Variants in KIDINS220 observed in about 807,000 individuals in gnomAD.
KIDINS220 encodes the protein kinase D-interacting substrate of 220 kDa.
In KIDINS220, 63 loss-of-function variants were observed where a neutral mutation model predicts 157.6. That is an observed-to-expected ratio of 0.40 (90% confidence interval 0.33 to 0.49). The LOEUF (loss-of-function observed/expected upper bound fraction) is 0.49, where lower values mean the gene tolerates loss of function less well. Among genes scored for constraint, KIDINS220 ranks in the 20% least tolerant of loss-of-function variants. KIDINS220 has a pLI of 0.66. For synonymous variants in KIDINS220, 732 were observed against 783.6 expected, an observed-to-expected ratio of 0.93 and a Z score of 1.10; for missense variants, 1,772 against 2,171.2, an observed-to-expected ratio of 0.82 and a Z score of 3.65.
chr2:8,769,164 G>C (rs1434069798), intron 22 of KIDINS220, among the ~76,000 whole-genome samples: 2 of 152,140 alleles, frequency 1.3e-5, no homozygotes, highest in Non-Finnish European at 2.9e-5. Context: ...ACTTTCCAAA[G>C]TGCAAGAATA....
chr2:8,721,770 A>G (rs1463368200), downstream of KIDINS220: 1 of 152,250 alleles, frequency 6.6e-6, no homozygotes, highest in African/African-American at 2.4e-5. Flanking sequence ...GCCACTCAGT[A>G]GCTGTGTGAC....
Position 8,818,788 on chromosome 2 carries a change from G to C in KIDINS220, c.114C>G (p.Gly38=), listed in dbSNP as rs369671667. The change falls in exon 3 of 30, where the codon GGC becomes GGG. Residue 38 remains glycine (G), a synonymous_variant. Transcript: ENST00000256707. ...CKDVDERNEC[G]QTPLMIAAEQ... ...CGGCAGCTATCATCAGTGGAGTCTG[G>C]CCACACTAGAGAATATAAAAGACAA... is the stretch of plus-strand genomic sequence containing the variant. The C allele has an allele frequency of 4.8e-5, 76 of 1,587,724 alleles. No homozygotes were observed. In the African/African-American group the frequency reaches 9.6e-4, roughly 20 times the overall value.
At chr2:8,829,923 C>T (rs974113625) in intron 1 of KIDINS220, among the ~76,000 whole-genome samples, 7 of 151,670 alleles carry the variant, frequency 4.6e-5, no homozygotes, top group African/African-American at 1.7e-4. Flanking sequence ...CCCTCTATAC[C>T]AGCCCCAGCT....
intron 18 of KIDINS220, 35 bp downstream of exon 18, chr2:8,779,634 CAACAT>C (rs1344381512): frequency 1.9e-6 from 3 of 1,585,460 alleles, no homozygotes; most frequent in Non-Finnish European, 2.6e-6. Flanking sequence ...TCAAGTGCCA[CAACAT>C]AACAATGGTG....
chr2:8,778,901 G>A lies in KIDINS220; in HGVS notation c.2609C>T (p.Thr870Ile). The A allele has an allele frequency of 1.2e-6, 2 of 1,614,054 alleles. No individual in the cohort carries two copies. The highest frequency in any genetic ancestry group is 1.7e-6 in the Non-Finnish European group (2 of 1,179,920). ...ATNGDVPCSD[T>I]TGIQEDADRR... ...TTTAGGAGCCTGAGCTTTACCTGTAGTATCTGAGCATGGAACGTCTCCATT... is the reference window on the plus strand; with the variant it reads ...TTTAGGAGCCTGAGCTTTACCTGTAATATCTGAGCATGGAACGTCTCCATT... The change falls in exon 19 of 30, where the codon ACT becomes ATT. Residue 870 changes from threonine (T) to isoleucine (I), a missense_variant. Physicochemically the swap from Thr to Ile is moderately conservative, Grantham distance 89 (BLOSUM62 -1). This residue lies in a region of KIDINS220 where 725 missense variants were observed against 1,017.1 expected (regional missense o/e 0.71). Transcript: ENST00000256707.
In KIDINS220 at chr2:8,731,331, C is replaced by T. The variant is rs1664060844; in HGVS notation, c.4705G>A (p.Ala1569Thr). Residue 1569 changes from alanine (A) to threonine (T), a missense_variant, in exon 30 of 30, where the codon GCC (alanine) becomes ACC (threonine). This residue lies in a region of KIDINS220 where 793 missense variants were observed against 885.5 expected (regional missense o/e 0.90). Coordinates refer to ENST00000256707, the MANE Select transcript of KIDINS220 (RefSeq NM_020738.4). This position sits in a 1 kb window ranked among gnomAD's most constrained non-coding sequence, Gnocchi z 5.2. ...AGCGCATCCGATAAATACTCTTTGG[C>T]TTTAATGAAGGTTCTGATCGGCTCA... ...SAEPIRTFIK[A>T]KEYLSDALLD... The T allele has an allele frequency of 1.9e-6, 3 of 1,614,082 alleles. No individual in the cohort carries two copies. The highest frequency in any genetic ancestry group is 1.3e-5 in the African/African-American group (1 of 74,938).
At chr2:8,823,950 T>C (rs1678376914) in intron 2 of KIDINS220, among the ~76,000 whole-genome samples, 1 of 151,662 alleles carries the variant, frequency 6.6e-6, no homozygotes. Flanking sequence ...GGCATTATCA[T>C]TAAATAAATT....
Position 8,798,219 on chromosome 2 carries a change from T to A in KIDINS220, c.982A>T (p.Thr328Ser), listed in dbSNP as rs1674224451. The A allele has an allele frequency of 5.6e-6, 9 of 1,604,672 alleles. No individual in the cohort carries two copies. The highest frequency in any genetic ancestry group is 1.7e-5 in the Admixed American group (1 of 60,002). ...VRDILQCNPD[T>S]EICTKDGETP... is the part of the protein sequence containing the mutation. ...ATTTATACCTTTGTGCATATTTCAG[T>A]GTCAGGATTGCACTGTAAGATATCT... Residue 328 changes from threonine (T) to serine (S), a missense_variant, in exon 10 of 30, where the codon ACT (threonine) becomes TCT (serine). Physicochemically the swap from Thr to Ser is moderately conservative, Grantham distance 58. This residue lies in a region of KIDINS220 where 725 missense variants were observed against 1,017.1 expected (regional missense o/e 0.71). Coordinates refer to ENST00000256707, the MANE Select transcript of KIDINS220 (RefSeq NM_020738.4).
chr2:8,780,084 C>A (rs1299134437), intron 17 of KIDINS220, among the ~76,000 whole-genome samples: 2 of 152,214 alleles, frequency 1.3e-5, no homozygotes, highest in Non-Finnish European at 2.9e-5. Flanking sequence ...GGTTGAGTGA[C>A]TAACTTGCCA....
chr2:8,789,180 ATTTTT>A (rs3841086), intron 14 of KIDINS220, among the ~76,000 whole-genome samples: 1 of 151,696 alleles, frequency 6.6e-6, no homozygotes, highest in African/African-American at 2.4e-5. Context: ...ATTATATTAT[ATTTTT>A]TTTATTTTGC....
Position 8,827,134 on chromosome 2 carries a change from T to C in KIDINS220, c.-36-5A>G. On this transcript the variant is annotated splice_polypyrimidine_tract_variant and splice_region_variant and intron_variant, in intron 1 of 29. Transcript: ENST00000256707. ...CAATTAACTTTATTTGAATACCTGT[T>C]AAATTAGACAAAATACACATAATTT... 1.9e-6 allele frequency: 2 copies of C among 1,054,936 alleles called. No individual in the cohort carries two copies. The highest frequency in any genetic ancestry group is 2.8e-5 in the South Asian group (2 of 70,538). 65.3% of individuals were successfully genotyped at this position (1,054,936 alleles called of 1,614,324 possible).
intron 17 of KIDINS220, among the ~76,000 whole-genome samples, chr2:8,783,595 G>GA (rs1671995178): frequency 6.6e-6 from 1 of 150,678 alleles, no homozygotes. Flanking sequence ...GAACCACAAT[G>GA]AAAAAAAACT....
At chr2:8,791,278 A>G in intron 12 of KIDINS220, 54 bp from the exon 13 acceptor site, 1 of 1,445,676 alleles carries the variant, frequency 6.9e-7, no homozygotes, top group East Asian at 2.3e-5. Context: ...ACTATTAGAA[A>G]TGAACACTAT....
At chr2:8,798,359 C>G in intron 9 of KIDINS220, 59 bp from the exon 10 acceptor site, 1 of 914,658 alleles carries the variant, frequency 1.1e-6, no homozygotes, top group Non-Finnish European at 1.8e-6. Flanking sequence ...AAAACTGCTA[C>G]TTATAAATAC....
chr2:8,820,884 G>C (rs1351605568), intron 2 of KIDINS220, among the ~76,000 whole-genome samples: 7 of 152,120 alleles, frequency 4.6e-5, no homozygotes, highest in Non-Finnish European at 8.8e-5. Flanking sequence ...ACATTCTATA[G>C]AACTGTTCTC....
chr2:8,753,788 T>C (rs1216207991), intron 22 of KIDINS220, among the ~76,000 whole-genome samples: 1 of 152,152 alleles, frequency 6.6e-6, no homozygotes, highest in Non-Finnish European at 1.5e-5. Flanking sequence ...AGCCAAATAT[T>C]GAAAGTCATC....
intron 1 of KIDINS220, among the ~76,000 whole-genome samples, chr2:8,829,543 T>G (rs1167955998): frequency 6.6e-6 from 1 of 152,046 alleles, no homozygotes; most frequent in Non-Finnish European, 1.5e-5. Flanking sequence ...TTATATAAAT[T>G]ATAAAAATTC....
intron 26 of KIDINS220, among the ~76,000 whole-genome samples, chr2:8,737,878 T>C (rs1455101793): frequency 6.6e-6 from 1 of 152,200 alleles, no homozygotes; most frequent in Admixed American, 6.5e-5. Flanking sequence ...TATCAGGTCT[T>C]ATAACTTCCT....
At chr2:8,747,638 A>G (rs913734009) in intron 25 of KIDINS220, 5 of 360,890 alleles carry the variant, frequency 1.4e-5, no homozygotes, top group Non-Finnish European at 2.5e-5. Context: ...CAAACACTAT[A>G]TTACAAGCCA....
Sources: allele counts gnomAD v4.1 joint callset (sites outside exome capture counted in the v4.1 genomes callset), GRCh38; gene constraint gnomAD v4.1.1; regional missense constraint gnomAD v4.1.1; non-coding constraint Gnocchi (gnomAD v3.1); transcripts MANE v1.5; gene names NCBI Gene and HGNC (gene_info 2026-07-23, HGNC 2026-07-21).